The following HIP1 variants were observed in gnomAD, a reference collection of about 807,000 sequenced individuals.
HIP1 encodes huntingtin-interacting protein 1.
A neutral mutation model predicts 147.6 loss-of-function variants in HIP1; 65 were observed. The ratio of observed to expected loss-of-function variants is 0.44; its 90% confidence interval spans 0.36 to 0.54. The LOEUF is 0.54. Among genes scored for constraint, HIP1 ranks in the 20% least tolerant of loss-of-function variants. HIP1 has a pLI of 0.00. For missense variants in HIP1, 1,061 were observed against 1,299.6 expected (o/e 0.82, Z 2.82); for synonymous variants, 479 against 504.0 (o/e 0.95, Z 0.67).
In HIP1 at chr7:75,547,830, T is replaced by C. The variant is rs781924339; in HGVS notation, c.2407-17A>G. ...GAGCATCTCCTGTGAAAAAGAAGCA[T>C]GGTTTCTAAATGTGCCTTGAATATT... On this transcript the variant is annotated splice_polypyrimidine_tract_variant and intron_variant, in intron 23 of 30. Transcript: ENST00000336926. 2 of 1,611,484 alleles carry C rather than the reference T, an allele frequency of 1.2e-6. No individual in the cohort carries two copies. Among genetic ancestry groups the C allele is most frequent in the Non-Finnish European group, 1.7e-6 (2 of 1,177,704 alleles).
intron 1 of HIP1, among the ~76,000 whole-genome samples, chr7:75,682,729 A>G (rs1554517095): frequency 6.6e-6 from 1 of 152,148 alleles, no homozygotes. Context: ...GAGAAAATAC[A>G]TACCTTACTC....
intron 8 of HIP1, among the ~76,000 whole-genome samples, chr7:75,572,054 T>G (rs587731650): frequency 2.6e-5 from 4 of 151,952 alleles, no homozygotes; most frequent in Admixed American, 1.3e-4. Context: ...TACTAAAAAT[T>G]CAAACAACAA....
intron 16 of HIP1, 55 bp downstream of exon 16, chr7:75,557,599 C>A: frequency 7.5e-7 from 1 of 1,328,336 alleles, no homozygotes; most frequent in Non-Finnish European, 1.1e-6. Flanking sequence ...AAAGCCCCCG[C>A]CACCAACTCA....
chr7:75,731,851 T>G (rs556754139), intron 1 of HIP1, among the ~76,000 whole-genome samples: 1 of 152,116 alleles, frequency 6.6e-6, no homozygotes, highest in Non-Finnish European at 1.5e-5. Context: ...TGATTGCACA[T>G]GAGAACCACC....
chr7:75,678,398 C>T (rs1033650842), intron 1 of HIP1, among the ~76,000 whole-genome samples: 4 of 133,930 alleles, frequency 3.0e-5, no homozygotes, highest in Admixed American at 1.7e-4. Context: ...GGCTGGAGTA[C>T]GGTGGCACAA....
chr7:75,575,389 G>T (rs1795810293), intron 7 of HIP1, among the ~76,000 whole-genome samples: 1 of 152,160 alleles, frequency 6.6e-6, no homozygotes. Flanking sequence ...GAGCCTGGAA[G>T]GTGGAGGTTG....
chr7:75,711,258 A>T (rs929074109), intron 1 of HIP1, among the ~76,000 whole-genome samples: 19 of 152,208 alleles, frequency 1.2e-4, no homozygotes, highest in Admixed American at 1.2e-3. Flanking sequence ...TTGCAACATC[A>T]CTTGAGTAAC....
chr7:75,709,302 G>A (rs532800497), intron 1 of HIP1, among the ~76,000 whole-genome samples: 3 of 151,628 alleles, frequency 2.0e-5, no homozygotes, highest in Non-Finnish European at 4.4e-5. Flanking sequence ...CAGTAGAGAC[G>A]AGGTTTCACC....
At chr7:75,555,205 G>GGGGGGA (rs1794951317) in intron 19 of HIP1, among the ~76,000 whole-genome samples, 3 of 111,196 alleles carry the variant, frequency 2.7e-5, no homozygotes, top group African/African-American at 3.4e-5. Context: ...CGGGGGGGGG[G>GGGGGGA]AAGAAAATAC....
intron 1 of HIP1, among the ~76,000 whole-genome samples, chr7:75,643,724 G>T (rs1189551150): frequency 1.3e-5 from 2 of 152,144 alleles, no homozygotes; most frequent in African/African-American, 2.4e-5. Context: ...GTATGGCTGG[G>T]CGCGGTGGCT....
intron 27 of HIP1, among the ~76,000 whole-genome samples, chr7:75,544,272 C>G (rs1424794694): frequency 1.3e-5 from 2 of 151,814 alleles, no homozygotes; most frequent in African/African-American, 4.8e-5. Context: ...CTGGATAGAT[C>G]ATTTGTTCTC....
chr7:75,582,259 G>A (rs1796085161), intron 5 of HIP1, 108 bp from the exon 6 acceptor site: 10 of 805,420 alleles, frequency 1.2e-5, no homozygotes, highest in Non-Finnish European at 2.1e-5. Context: ...GGAGGCCGAG[G>A]TGGGAGGATT....
In HIP1 at chr7:75,534,844, T is replaced by C. The variant is rs587764392; in HGVS notation, c.*3328A>G. 15 of 204,746 alleles carry C rather than the reference T, an allele frequency of 7.3e-5. No individual in the cohort carries two copies. Among genetic ancestry groups the C allele is most frequent in the African/African-American group, 3.0e-4 (13 of 43,856 alleles). The allele number at this position is 204,746 out of a possible 1,614,324, so 12.7% of individuals were successfully genotyped here. A position where few individuals can be genotyped will look rare whatever the true frequency, so the allele number is the denominator to read the frequency against. On this transcript the variant is annotated 3_prime_UTR_variant, in exon 31 of 31. Transcript: ENST00000336926. ...TTAACTTCTTGTCGATCCTAAGCCATGATTTTGTTGCTGTCCCATCTTGTC... is the reference window on the plus strand; with the variant it reads ...TTAACTTCTTGTCGATCCTAAGCCACGATTTTGTTGCTGTCCCATCTTGTC...
At chr7:75,679,023 C>T (rs1469106720) in intron 1 of HIP1, among the ~76,000 whole-genome samples, 2 of 152,154 alleles carry the variant, frequency 1.3e-5, no homozygotes, top group African/African-American at 2.4e-5. Context: ...CGTTTATCCT[C>T]ACCTGCTTTT....
chr7:75,579,577 C>T (rs919005114), intron 7 of HIP1, among the ~76,000 whole-genome samples: 1 of 152,212 alleles, frequency 6.6e-6, no homozygotes, highest in Non-Finnish European at 1.5e-5. Context: ...CAGGCATGAG[C>T]CACTGTGCCT....
At chr7:75,561,908 A>C (rs1554494623) in intron 12 of HIP1, among the ~76,000 whole-genome samples, 165 bp downstream of exon 12, 1 of 152,172 alleles carries the variant, frequency 6.6e-6, no homozygotes, top group Non-Finnish European at 1.5e-5. Flanking sequence ...CATCCTCCCC[A>C]CATGTTGGGA....
intron 1 of HIP1, among the ~76,000 whole-genome samples, chr7:75,708,856 T>C (rs1312303499): frequency 1.3e-5 from 2 of 152,132 alleles, no homozygotes; most frequent in African/African-American, 4.8e-5. Flanking sequence ...TGAGATTCCA[T>C]ATTAATTTTA....
chr7:75,542,164 G>A (rs1554490026), intron 28 of HIP1, among the ~76,000 whole-genome samples, 184 bp from the exon 29 acceptor site: 1 of 152,100 alleles, frequency 6.6e-6, no homozygotes, highest in African/African-American at 2.4e-5. Context: ...TTGGGAGGCT[G>A]AGGTGGGTGG....
chr7:75,658,112 T>A (rs925879713), intron 1 of HIP1, among the ~76,000 whole-genome samples: 4 of 152,142 alleles, frequency 2.6e-5, no homozygotes, highest in African/African-American at 9.7e-5. Flanking sequence ...ATATTTTTTT[T>A]AGACAGAATC....
Sources: gnomAD v4.1 joint callset for allele counts (sites outside exome capture counted in the v4.1 genomes callset) on GRCh38, gnomAD v4.1.1 for gene constraint, MANE v1.5 for transcripts, NCBI Gene and HGNC (gene_info 2026-07-23, HGNC 2026-07-21) for gene names.